GIT2: variants seen among roughly 807,000 people sequenced by gnomAD.
The protein encoded by GIT2 is ARF GTPase-activating protein GIT2.
A neutral mutation model predicts 100.3 loss-of-function variants in GIT2; 32 were observed. The ratio of observed to expected loss-of-function variants is 0.32; its 90% confidence interval spans 0.24 to 0.43. GIT2 has a LOEUF of 0.43. Among genes scored for constraint, GIT2 ranks in the 20% least tolerant of loss-of-function variants. GIT2 has a pLI of 1.00. For synonymous variants in GIT2, 353 were observed against 364.1 expected, an observed-to-expected ratio of 0.97 and a Z score of 0.35; for missense variants, 737 against 975.1, an observed-to-expected ratio of 0.76 and a Z score of 3.25.
intron 13 of GIT2, among the ~76,000 whole-genome samples, chr12:109,951,917 T>C (rs1255743949): frequency 6.6e-6 from 1 of 152,156 alleles, no homozygotes; most frequent in Non-Finnish European, 1.5e-5. Flanking sequence ...CACATGAATC[T>C]GGAGGAAGAA....
intron 12 of GIT2, among the ~76,000 whole-genome samples, chr12:109,958,237 C>A (rs1053453749): frequency 2.6e-5 from 4 of 151,644 alleles, no homozygotes; most frequent in Admixed American, 2.0e-4. Context: ...AGCCACCGTG[C>A]CTGGCCCCCA....
In GIT2 at chr12:109,989,225, T is replaced by C. The variant is rs1359636187; in HGVS notation, c.300-157A>G. 1.3e-4 allele frequency among the ~76,000 whole-genome samples: 20 copies of C among 152,294 alleles called. 1 individual carries two copies. The East Asian group carries it at 2.9e-3, about 22-fold the overall frequency. On this transcript the variant is annotated intron_variant, in intron 3 of 19. Coordinates refer to ENST00000355312, the MANE Select transcript of GIT2 (RefSeq NM_057169.5). ...TTTCAGCAAGGTTTAAGACCTGCAG[T>C]TTGAAAACATACATTAGTTATTATA...
chr12:109,957,355 A>G (rs962265816), intron 12 of GIT2, among the ~76,000 whole-genome samples: 2 of 152,160 alleles, frequency 1.3e-5, no homozygotes, highest in Non-Finnish European at 2.9e-5. Context: ...AAGCAGCCTG[A>G]GGTTCTCACC....
rs1426154015 is a variant in GIT2 at position 109,938,388 on chromosome 12, T to C, written c.1995A>G (p.Lys665=). The C allele has an allele frequency of 2.5e-6, 4 of 1,612,072 alleles. No individual in the cohort carries two copies. The highest frequency in any genetic ancestry group is 1.7e-5 in the Admixed American group (1 of 59,772). The part of the protein sequence containing the change: ...QELLRAAQEN[K]HDSYIPCSER... ...TCTTCAATCCTGCTTACCTGTCATG[T>C]TTATTTTCTTGGGCTGCTCTTAAGA... The change falls in exon 18 of 20, where the codon AAA becomes AAG. Residue 665 remains lysine, a synonymous_variant. Coordinates refer to ENST00000355312, the MANE Select transcript of GIT2 (RefSeq NM_057169.5).
At chr12:109,945,390 C>G in intron 15 of GIT2, 41 bp from the exon 16 acceptor site, 1 of 1,023,070 alleles carries the variant, frequency 9.8e-7, no homozygotes, top group Non-Finnish European at 1.5e-6. Flanking sequence ...AAATACAAAA[C>G]AAACCAAAAA....
chr12:109,983,876 G>T, intron 4 of GIT2, 182 bp from the exon 5 acceptor site: 2 of 554,514 alleles, frequency 3.6e-6, no homozygotes, highest in South Asian at 4.4e-5. Flanking sequence ...GCTGTAAGGT[G>T]GAGTGAGGCC....
chr12:109,965,013 A>G (rs775162958), intron 9 of GIT2, among the ~76,000 whole-genome samples: 2 of 152,208 alleles, frequency 1.3e-5, no homozygotes, highest in Non-Finnish European at 2.9e-5. Context: ...GAGCACGCAC[A>G]TGGGCCAAGA....
chr12:109,980,356 G>A (rs117050719), intron 7 of GIT2, among the ~76,000 whole-genome samples: 1,858 of 152,090 alleles, frequency 0.012, 23 homozygotes, highest in Admixed American at 0.016. Context: ...GACATGACCC[G>A]TTGCACCCGG....
chr12:109,993,828 C>CA (rs1342585732), intron 1 of GIT2, among the ~76,000 whole-genome samples: 3 of 150,442 alleles, frequency 2.0e-5, no homozygotes, highest in South Asian at 4.2e-4. Context: ...TAATTGAACT[C>CA]AGAGTGTGAT....
At chr12:109,994,710 C>T (rs1455337700) in intron 1 of GIT2, among the ~76,000 whole-genome samples, 2 of 152,124 alleles carry the variant, frequency 1.3e-5, no homozygotes, top group African/African-American at 4.8e-5. Flanking sequence ...TTGCCCTGTA[C>T]CCTATCAAGA....
chr12:109,957,872 C>T (rs1202927763), intron 12 of GIT2, among the ~76,000 whole-genome samples: 2 of 152,118 alleles, frequency 1.3e-5, no homozygotes, highest in African/African-American at 4.8e-5. Flanking sequence ...GATGATTTCC[C>T]TTCAGTTAAT....
chr12:109,933,920 C>A lies in GIT2; in HGVS notation c.2067+102G>T. 1.3e-6 allele frequency: 1 copy of A among 768,672 alleles called. No individual in the cohort carries two copies. Among genetic ancestry groups the A allele is most frequent in the East Asian group, 2.5e-5 (1 of 39,528 alleles). 47.6% of individuals were successfully genotyped at this position (768,672 alleles called of 1,614,324 possible). ...CCGGCCTCGACTGCATATTTTAAAA[C>A]TGCATGTGCTACAAAAAAGCTAATG... On this transcript the variant is annotated intron_variant, in intron 19 of 19. Coordinates refer to ENST00000355312, the MANE Select transcript of GIT2 (RefSeq NM_057169.5). This position sits in a 1 kb window ranked among gnomAD's most constrained non-coding sequence, Gnocchi z 4.5.
intron 4 of GIT2, 92 bp downstream of exon 4, chr12:109,988,871 A>AT: frequency 1.8e-6 from 1 of 542,754 alleles, no homozygotes; most frequent in Non-Finnish European, 3.2e-6. Context: ...AAAAAAAAAA[A>AT]GCCCACAACC....
At position 109,934,879 on chromosome 12, in the gene GIT2, C is replaced by T. The variant is rs1185342174; in HGVS notation, c.2004-794G>A. Reference sequence around the variant, plus strand: ...TCACCTGAGGTCAGGAGTTTGAGACCAGCCTGAACGACATGGTGAAATCCC... The same window carrying T: ...TCACCTGAGGTCAGGAGTTTGAGACTAGCCTGAACGACATGGTGAAATCCC... On this transcript the variant is annotated intron_variant, in intron 18 of 19. Transcript: ENST00000355312. The surrounding 1 kb of genome is among the most constrained non-coding windows in gnomAD (Gnocchi z 4.5). Among the ~76,000 whole-genome samples, 1 of 152,120 alleles carries T rather than the reference C, an allele frequency of 6.6e-6. No individual in the cohort carries two copies. The highest frequency in any genetic ancestry group is 1.5e-5 in the Non-Finnish European group (1 of 68,030).
upstream of GIT2, chr12:109,998,909 TCA>T (rs1889782423): frequency 6.6e-6 from 1 of 152,234 alleles, no homozygotes; most frequent in East Asian, 1.9e-4. Flanking sequence ...ACTGCCCAGT[TCA>T]ATATGTGCCG....
At chr12:109,969,812 G>C (rs760579658) in intron 7 of GIT2, among the ~76,000 whole-genome samples, 3 of 151,982 alleles carry the variant, frequency 2.0e-5, no homozygotes, top group Non-Finnish European at 2.9e-5. Context: ...CTGGAGTGCA[G>C]TGGTGTGATC....
At chr12:109,983,214 C>T in intron 6 of GIT2, 159 bp downstream of exon 6, 2 of 648,800 alleles carry the variant, frequency 3.1e-6, no homozygotes, top group Non-Finnish European at 5.2e-6. Flanking sequence ...CTTTGCCAGG[C>T]TGAGCTTATA....
intron 2 of GIT2, among the ~76,000 whole-genome samples, chr12:109,990,254 A>T (rs1305406106): frequency 1.3e-5 from 2 of 152,194 alleles, no homozygotes; most frequent in Admixed American, 1.3e-4. Flanking sequence ...TAAAAAAAAC[A>T]TGTATTACCT....
intron 4 of GIT2, 23 bp downstream of exon 4, chr12:109,988,940 G>A (rs1566019666): frequency 7.4e-7 from 1 of 1,346,670 alleles, no homozygotes; most frequent in Non-Finnish European, 1.1e-6. Flanking sequence ...GCTCTTTTAG[G>A]GATTTTAAAA....
Sources: allele counts gnomAD v4.1 joint callset (sites outside exome capture counted in the v4.1 genomes callset), GRCh38; gene constraint gnomAD v4.1.1; non-coding constraint Gnocchi (gnomAD v3.1); transcripts MANE v1.5; gene names NCBI Gene and HGNC (gene_info 2026-07-23, HGNC 2026-07-21).